Variants in TBPL1 observed in about 807,000 individuals in gnomAD.
The protein encoded by TBPL1 is TATA box-binding protein-like 1.
In TBPL1, 4 loss-of-function variants were observed where a neutral mutation model predicts 22.1. That is an observed-to-expected ratio of 0.18 (90% CI 0.09 to 0.41). The LOEUF is 0.41. Among genes scored for constraint, TBPL1 ranks in the 10% least tolerant of loss-of-function variants. The pLI is 1.00. For missense variants in TBPL1, 115 were observed against 222.3 expected (o/e 0.52, Z 3.07); for synonymous variants, 64 against 71.0 (o/e 0.90, Z 0.50).
intron 1 of TBPL1, among the ~76,000 whole-genome samples, chr6:133,975,328 A>T (rs1254776570): frequency 6.6e-6 from 1 of 152,156 alleles, no homozygotes; most frequent in African/African-American, 2.4e-5. Flanking sequence ...TGGAAAATTT[A>T]ATTAAGCAAA....
At chr6:133,957,222 TG>T (rs1374773659) in intron 1 of TBPL1, among the ~76,000 whole-genome samples, 1 of 152,178 alleles carries the variant, frequency 6.6e-6, no homozygotes. Flanking sequence ...TGCCTTTGTG[TG>T]GGAGTCAATA....
intron 1 of TBPL1, among the ~76,000 whole-genome samples, chr6:133,975,747 T>C (rs1055027461): frequency 1.6e-4 from 24 of 152,180 alleles, no homozygotes; most frequent in African/African-American, 5.5e-4. Flanking sequence ...TATATGAGAA[T>C]GATAAGACTG....
At chr6:133,977,893 A>G (rs902049636) in intron 1 of TBPL1, among the ~76,000 whole-genome samples, 2 of 152,210 alleles carry the variant, frequency 1.3e-5, no homozygotes, top group African/African-American at 4.8e-5. Flanking sequence ...AGCAAGAATG[A>G]AAAAGGGCAG....
intron 1 of TBPL1, among the ~76,000 whole-genome samples, chr6:133,976,550 A>G (rs1008065786): frequency 1.3e-5 from 2 of 152,208 alleles, no homozygotes; most frequent in African/African-American, 2.4e-5. Context: ...TAATTTAAAC[A>G]AAGTGGTGAG....
Position 133,973,822 on chromosome 6 carries a change from C to A in TBPL1, c.-44-6260C>A, listed in dbSNP as rs533646316. Among the ~76,000 whole-genome samples the A allele has an allele frequency of 1.2e-4, 18 of 152,152 alleles. No individual in the cohort carries two copies. In the South Asian group the frequency reaches 3.7e-3, roughly 32 times the overall value. On this transcript the variant is annotated intron_variant, in intron 1 of 6. Coordinates refer to ENST00000237264, the MANE Select transcript of TBPL1 (RefSeq NM_004865.4). Reference sequence around the variant, plus strand: ...AAGATATTTGACAAATCACACTAAGCCATTTCCTTGAGAAACAGGACAAAA... The same window carrying A: ...AAGATATTTGACAAATCACACTAAGACATTTCCTTGAGAAACAGGACAAAA...
chr6:133,985,276 TAAAAA>T (rs1229100828), intron 6 of TBPL1, among the ~76,000 whole-genome samples: 3 of 12,914 alleles, frequency 2.3e-4, no homozygotes, highest in African/African-American at 2.1e-3. Flanking sequence ...AGACTCTGTC[TAAAAA>T]AAAAAAAAAA....
intron 1 of TBPL1, among the ~76,000 whole-genome samples, chr6:133,959,196 C>T (rs1333729419): frequency 1.3e-5 from 2 of 152,076 alleles, no homozygotes; most frequent in African/African-American, 2.4e-5. Context: ...TGCGCCACCA[C>T]GCCTAGCTAA....
intron 1 of TBPL1, among the ~76,000 whole-genome samples, chr6:133,960,654 G>A (rs1776005511): frequency 6.6e-6 from 1 of 152,068 alleles, no homozygotes; most frequent in Non-Finnish European, 1.5e-5. Flanking sequence ...TGTTTGTCTT[G>A]GTTATATATT....
At chr6:133,961,286 C>T (rs1378725283) in intron 1 of TBPL1, among the ~76,000 whole-genome samples, 1 of 152,078 alleles carries the variant, frequency 6.6e-6, no homozygotes, top group Non-Finnish European at 1.5e-5. Context: ...GTTCTAAAGA[C>T]ACACATTTAA....
chr6:133,958,526 T>C (rs1041494533), intron 1 of TBPL1, among the ~76,000 whole-genome samples: 1 of 152,226 alleles, frequency 6.6e-6, no homozygotes, highest in Non-Finnish European at 1.5e-5. Context: ...TGAAGCTACC[T>C]AATCAGGAAA....
At chr6:133,985,935 A>G (rs909351690) in intron 6 of TBPL1, 1 of 152,186 alleles carries the variant, frequency 6.6e-6, no homozygotes, top group African/African-American at 2.4e-5. Flanking sequence ...CACAAAGCCT[A>G]TTGAACAATC....
intron 2 of TBPL1, among the ~76,000 whole-genome samples, chr6:133,981,843 C>T (rs1345428343): frequency 6.6e-6 from 1 of 152,152 alleles, no homozygotes; most frequent in Admixed American, 6.6e-5. Context: ...TTTAAATTTG[C>T]ATATTTTCTT....
At chr6:133,953,752 C>T (rs915731521) in intron 1 of TBPL1, among the ~76,000 whole-genome samples, 2 of 151,144 alleles carry the variant, frequency 1.3e-5, no homozygotes, top group Non-Finnish European at 3.0e-5. Context: ...TCGTTTAAGC[C>T]ACCACTGGGA....
chr6:133,989,554 T>C lies in TBPL1; in HGVS notation c.*2514T>C, dbSNP rs1305854574. 6.6e-6 allele frequency: 1 copy of C among 152,124 alleles called. No homozygotes were observed. The highest frequency in any genetic ancestry group is 1.5e-5 in the Non-Finnish European group (1 of 68,014). 9.4% of individuals were successfully genotyped at this position (152,124 alleles called of 1,614,324 possible). A position where few individuals can be genotyped will look rare whatever the true frequency, so the allele number is the denominator to read the frequency against. ...TTCTCTTTCCAAAAACAAAAAACAA[T>C]GCATGCTCTGATTTGCGTATGAAAT... On this transcript the variant is annotated 3_prime_UTR_variant, in exon 7 of 7. Transcript: ENST00000237264.
At chr6:133,971,569 C>G (rs1306342557) in intron 1 of TBPL1, among the ~76,000 whole-genome samples, 5 of 134,442 alleles carry the variant, frequency 3.7e-5, no homozygotes, top group Non-Finnish European at 8.1e-5. Context: ...ACATCCTCAC[C>G]AATACATAGG....
At position 133,984,380 on chromosome 6, in the gene TBPL1, T is replaced by C. The variant is rs763369890; in HGVS notation, c.287T>C (p.Ile96Thr). The part of the protein sequence containing the change: ...RSLQKLGFQV[I>T]FTDFKVVNVL... ...AATTTTACTTCTCTCCTAAAGGTAA[T>C]ATTTACAGATTTTAAGGTTGTTAAC... The change falls in exon 5 of 7, where the codon ATA becomes ACA. Residue 96 changes from isoleucine (I) to threonine (T), a missense_variant. Coordinates refer to ENST00000237264, the MANE Select transcript of TBPL1 (RefSeq NM_004865.4). 6.8e-6 allele frequency: 11 copies of C among 1,607,818 alleles called. No homozygotes were observed. The highest frequency in any genetic ancestry group is 9.3e-6 in the Non-Finnish European group (11 of 1,177,054).
At chr6:133,972,061 A>G (rs1776231508) in intron 1 of TBPL1, among the ~76,000 whole-genome samples, 1 of 152,196 alleles carries the variant, frequency 6.6e-6, no homozygotes, top group South Asian at 2.1e-4. Context: ...AGATTATCCA[A>G]ATTTGTTTGG....
chr6:133,966,942 G>A (rs545237956), intron 1 of TBPL1, among the ~76,000 whole-genome samples: 63 of 152,238 alleles, frequency 4.1e-4, no homozygotes, highest in African/African-American at 1.4e-3. Flanking sequence ...ATGCAAATAC[G>A]TGATGTCAGT....
At chr6:133,979,200 T>G (rs1051466555) in intron 1 of TBPL1, among the ~76,000 whole-genome samples, 5 of 152,234 alleles carry the variant, frequency 3.3e-5, no homozygotes, top group Admixed American at 3.3e-4. Flanking sequence ...TAATCATTTT[T>G]TTCCCTCCAT....
Sources: gnomAD v4.1 joint callset for allele counts (sites outside exome capture counted in the v4.1 genomes callset) on GRCh38, gnomAD v4.1.1 for gene constraint, MANE v1.5 for transcripts, NCBI Gene and HGNC (gene_info 2026-07-23, HGNC 2026-07-21) for gene names.